Variants in NEK1 observed in about 807,000 individuals in gnomAD.
The protein encoded by NEK1 is NIMA related kinase 1.
Under a neutral mutation model 182.1 loss-of-function variants are expected in NEK1, and 137 were observed. The ratio of observed to expected loss-of-function variants is 0.75; its 90% confidence interval spans 0.65 to 0.87. The LOEUF (loss-of-function observed/expected upper bound fraction) is 0.87, where lower values mean the gene tolerates loss of function less well. Among genes scored for constraint, NEK1 ranks in the 40% least tolerant of loss-of-function variants. NEK1 has a pLI of 0.00. For missense variants in NEK1, 1,391 were observed against 1,494.4 expected (o/e 0.93, Z 1.14); for synonymous variants, 513 against 492.2 (o/e 1.04, Z -0.56).
At chr4:169,580,987 C>A in intron 10 of NEK1, 85 bp from the exon 11 acceptor site, 1 of 568,064 alleles carries the variant, frequency 1.8e-6, no homozygotes, top group Non-Finnish European at 3.0e-6. Context: ...ACATCTTCCC[C>A]TTTTTCAGTA....
chr4:169,561,281 GTCACA>G (rs1561415856), intron 16 of NEK1, among the ~76,000 whole-genome samples, 194 bp downstream of exon 16: 4 of 152,090 alleles, frequency 2.6e-5, no homozygotes, highest in Admixed American at 2.6e-4. Flanking sequence ...TTTGAGTATA[GTCACA>G]TAACAGCAAC....
At chr4:169,612,166 C>T (rs945653923) in intron 1 of NEK1, 23 bp from the exon 2 acceptor site, 2 of 152,422 alleles carry the variant, frequency 1.3e-5, no homozygotes, top group African/African-American at 4.8e-5. Context: ...CCAAGACTGT[C>T]TAACCAGCAG....
At chr4:169,488,744 A>G (rs1561279192) in intron 23 of NEK1, among the ~76,000 whole-genome samples, 1 of 152,072 alleles carries the variant, frequency 6.6e-6, no homozygotes, top group African/African-American at 2.4e-5. Context: ...CATGTTAACC[A>G]CTCCTGAGTA....
At chr4:169,446,263 A>G (rs563679994) in intron 27 of NEK1, among the ~76,000 whole-genome samples, 2 of 152,260 alleles carry the variant, frequency 1.3e-5, no homozygotes, top group Admixed American at 1.3e-4. Context: ...GAAAAGATAA[A>G]CAAAATTGAA....
intron 31 of NEK1, among the ~76,000 whole-genome samples, 187 bp from the exon 32 acceptor site, chr4:169,406,934 G>A (rs531890349): frequency 3.3e-5 from 5 of 151,736 alleles, no homozygotes; most frequent in Admixed American, 3.3e-4. Flanking sequence ...TAGAGCTAGA[G>A]GATCCAAAGG....
intron 31 of NEK1, among the ~76,000 whole-genome samples, chr4:169,416,564 G>C (rs1302603643): frequency 6.6e-6 from 1 of 152,158 alleles, no homozygotes; most frequent in Non-Finnish European, 1.5e-5. Flanking sequence ...AGGTATCACA[G>C]ATACATAAAT....
intron 10 of NEK1, among the ~76,000 whole-genome samples, chr4:169,583,178 G>C (rs1766953487): frequency 6.6e-6 from 1 of 151,354 alleles, no homozygotes; most frequent in South Asian, 2.1e-4. Flanking sequence ...GAGGAGGGAG[G>C]ACTGCTTGAG....
At chr4:169,598,170 T>G (rs1466190512) in intron 5 of NEK1, among the ~76,000 whole-genome samples, 1 of 152,132 alleles carries the variant, frequency 6.6e-6, no homozygotes, top group Non-Finnish European at 1.5e-5. Context: ...TGTTATAAAC[T>G]TTAGAGTTAG....
chr4:169,536,326 C>T (rs1443560887), intron 19 of NEK1, among the ~76,000 whole-genome samples: 1 of 147,778 alleles, frequency 6.8e-6, no homozygotes, highest in East Asian at 2.0e-4. Flanking sequence ...ACACAAACCA[C>T]ATCATAATCA....
chr4:169,499,777 G>A (rs1752072770), intron 23 of NEK1, among the ~76,000 whole-genome samples: 1 of 152,218 alleles, frequency 6.6e-6, no homozygotes. Flanking sequence ...TCTCAGAGGA[G>A]TACCAGGCTG....
At chr4:169,402,056 C>T (rs972821888) in intron 32 of NEK1, among the ~76,000 whole-genome samples, 196 bp from the exon 33 acceptor site, 9 of 152,134 alleles carry the variant, frequency 5.9e-5, no homozygotes, top group African/African-American at 2.2e-4. Context: ...ATGAATACAA[C>T]TGATAAATAT....
chr4:169,487,253 C>G (rs1395365105), intron 23 of NEK1, among the ~76,000 whole-genome samples: 1 of 152,056 alleles, frequency 6.6e-6, no homozygotes, highest in Non-Finnish European at 1.5e-5. Context: ...CTGCACAGAT[C>G]AACTCATCAC....
In NEK1 at chr4:169,507,375, GA is replaced by G. The variant is rs1027712434; in HGVS notation, c.1912-244del. Among the ~76,000 whole-genome samples, 7 of 151,682 alleles carry G rather than the reference GA, an allele frequency of 4.6e-5. No homozygotes were observed. In the East Asian group the frequency reaches 1.2e-3, roughly 25 times the overall value. ...AATAAAGGCAGGTATATTTGAATGTGAAAAAAATGTAAAAATTTAAAACAAT... is the reference window on the plus strand; with the variant it reads ...AATAAAGGCAGGTATATTTGAATGTGAAAAAATGTAAAAATTTAAAACAAT... On this transcript the variant is annotated intron_variant, in intron 22 of 35. Coordinates refer to ENST00000507142, the MANE Select transcript of NEK1 (RefSeq NM_001199397.3).
chr4:169,491,591 C>A (rs987395687), intron 23 of NEK1, among the ~76,000 whole-genome samples: 20 of 141,326 alleles, frequency 1.4e-4, no homozygotes, highest in African/African-American at 4.7e-4. Context: ...ACCTCTAGAA[C>A]TGATTTACAA....
chr4:169,603,286 T>G (rs1284882056), intron 2 of NEK1, among the ~76,000 whole-genome samples: 2 of 152,194 alleles, frequency 1.3e-5, no homozygotes, highest in East Asian at 3.8e-4. Context: ...CTGGTTATTA[T>G]TATTTCTTGT....
Position 169,438,219 on chromosome 4 carries a change from A to G in NEK1, c.2628T>C (p.Thr876=). The stretch of plus-strand genomic sequence containing the variant: ...AAATACATTGTACTTTTTTTTCTCC[A>G]GTAATTAAGGGTTTGTACTTTTCCC... ...PEGEKYKPLI[T]GEKKVQCISH... The change falls in exon 28 of 36, where the codon ACT becomes ACC. Residue 876 remains threonine, a synonymous_variant. Transcript: ENST00000507142. 1 of 1,569,738 alleles carries G rather than the reference A, an allele frequency of 6.4e-7. No homozygotes were observed. The highest frequency in any genetic ancestry group is 8.7e-7 in the Non-Finnish European group (1 of 1,155,588).
At chr4:169,421,918 G>A (rs1412794826) in intron 31 of NEK1, among the ~76,000 whole-genome samples, 1 of 152,164 alleles carries the variant, frequency 6.6e-6, no homozygotes, top group Non-Finnish European at 1.5e-5. Context: ...GACATTCATA[G>A]CATATTTCAC....
intron 12 of NEK1, 60 bp from the exon 13 acceptor site, chr4:169,562,256 C>A: frequency 8.6e-7 from 1 of 1,166,872 alleles, no homozygotes; most frequent in South Asian, 1.5e-5. Context: ...TTTGAAAATC[C>A]CAAATTTACA....
intron 27 of NEK1, 141 bp downstream of exon 27, chr4:169,463,102 C>A (rs909761559): frequency 4.0e-6 from 2 of 495,440 alleles, no homozygotes; most frequent in Non-Finnish European, 6.3e-6. Context: ...AAAACACAAT[C>A]ATTCTCAATC....
Sources: gnomAD v4.1 joint callset for allele counts (sites outside exome capture counted in the v4.1 genomes callset) on GRCh38, gnomAD v4.1.1 for gene constraint, MANE v1.5 for transcripts, NCBI Gene and HGNC (gene_info 2026-07-23, HGNC 2026-07-21) for gene names.